SOX5: variants seen among roughly 807,000 people sequenced by gnomAD.
SOX5 encodes the protein SRY-box transcription factor 5, also known as transcription factor SOX-5.
In SOX5, 9 loss-of-function variants were observed where a neutral mutation model predicts 92.0. That is an observed-to-expected ratio of 0.10 (90% CI 0.06 to 0.17). The LOEUF is 0.17. SOX5 is among the 10% of genes least tolerant of loss of function. The probability of loss-of-function intolerance (pLI) is 1.00; values close to 1 mark genes in which losing one functional copy is unlikely to be tolerated. For synonymous variants in SOX5, 344 were observed against 336.3 expected, an observed-to-expected ratio of 1.02 and a Z score of -0.25; for missense variants, 642 against 944.5, an observed-to-expected ratio of 0.68 and a Z score of 4.20.
At chr12:24,445,196 A>C (rs1214666545) in intron 1 of SOX5, among the ~76,000 whole-genome samples, 1 of 152,206 alleles carries the variant, frequency 6.6e-6, no homozygotes, top group African/African-American at 2.4e-5. Flanking sequence ...TTTTATAGTG[A>C]CTATAAAGTG....
chr12:24,289,614 C>T (rs932163277), intron 2 of SOX5, among the ~76,000 whole-genome samples: 2 of 143,710 alleles, frequency 1.4e-5, no homozygotes, highest in African/African-American at 5.7e-5. Context: ...CCACTACGCC[C>T]GGCTAATTTT....
At chr12:23,606,383 C>A (rs2075262801) in intron 8 of SOX5, among the ~76,000 whole-genome samples, 1 of 151,382 alleles carries the variant, frequency 6.6e-6, no homozygotes, top group Non-Finnish European at 1.5e-5. Context: ...GGTATTATTA[C>A]TAGAGGATAA....
intron 7 of SOX5, among the ~76,000 whole-genome samples, chr12:23,650,015 T>G (rs1010123249): frequency 1.3e-5 from 2 of 152,114 alleles, no homozygotes; most frequent in African/African-American, 4.8e-5. Context: ...CATGTTTTTT[T>G]GTTTGTTTTT....
intron 2 of SOX5, among the ~76,000 whole-genome samples, chr12:23,869,835 A>G (rs1240730393): frequency 1.3e-5 from 2 of 152,068 alleles, no homozygotes; most frequent in Non-Finnish European, 2.9e-5. Context: ...CCCATGACAT[A>G]TCTTATATCC....
intron 2 of SOX5, among the ~76,000 whole-genome samples, chr12:23,876,987 C>A (rs1367488552): frequency 4.6e-5 from 7 of 151,808 alleles, no homozygotes; most frequent in African/African-American, 1.7e-4. Context: ...CACACTGGGG[C>A]CTTTTGGGGG....
intron 1 of SOX5, among the ~76,000 whole-genome samples, chr12:24,490,359 C>G (rs891532885): frequency 6.6e-6 from 1 of 152,166 alleles, no homozygotes; most frequent in African/African-American, 2.4e-5. Flanking sequence ...GGGCATTGAA[C>G]AGTCAGGGGT....
At chr12:24,421,079 C>A (rs1489851082) in intron 1 of SOX5, among the ~76,000 whole-genome samples, 1 of 152,130 alleles carries the variant, frequency 6.6e-6, no homozygotes, top group African/African-American at 2.4e-5. Flanking sequence ...GGACAAAATT[C>A]ACTATATGCA....
At chr12:23,722,891 C>G (rs2092898826) in intron 6 of SOX5, among the ~76,000 whole-genome samples, 1 of 152,088 alleles carries the variant, frequency 6.6e-6, no homozygotes, top group African/African-American at 2.4e-5. Flanking sequence ...GCGGAGACAC[C>G]AGCATTTTTC....
chr12:24,442,222 T>C (rs748116428), intron 1 of SOX5, among the ~76,000 whole-genome samples: 2 of 152,238 alleles, frequency 1.3e-5, no homozygotes, highest in Non-Finnish European at 2.9e-5. Context: ...ATTTAGAGTA[T>C]ACAGCCTATA....
intron 4 of SOX5, among the ~76,000 whole-genome samples, chr12:24,016,364 A>C (rs1430879199): frequency 2.6e-5 from 4 of 152,230 alleles, no homozygotes; most frequent in Non-Finnish European, 5.9e-5. Flanking sequence ...ACATTTGCTT[A>C]TGGACGAGTA....
intron 4 of SOX5, among the ~76,000 whole-genome samples, chr12:23,994,823 A>G (rs1294413308): frequency 6.6e-6 from 1 of 152,214 alleles, no homozygotes; most frequent in African/African-American, 2.4e-5. Flanking sequence ...AAAAGTTGGA[A>G]TGAGCTTTTT....
At chr12:24,241,804 GT>G (rs1965613800) in intron 3 of SOX5, among the ~76,000 whole-genome samples, 1 of 152,090 alleles carries the variant, frequency 6.6e-6, no homozygotes, top group African/African-American at 2.4e-5. Flanking sequence ...TTCCATTTAT[GT>G]TTCTAAAATA....
intron 3 of SOX5, among the ~76,000 whole-genome samples, chr12:23,816,050 T>G (rs540107869): frequency 1.3e-5 from 2 of 152,298 alleles, no homozygotes; most frequent in Admixed American, 1.3e-4. Flanking sequence ...ATTATTCTTG[T>G]TTTAATTTTT....
chr12:24,312,351 C>T (rs946735108), intron 2 of SOX5, among the ~76,000 whole-genome samples: 1 of 152,128 alleles, frequency 6.6e-6, no homozygotes, highest in South Asian at 2.1e-4. Flanking sequence ...CTAAATAATC[C>T]GATTCTTTGC....
chr12:23,722,908 G>A (rs1306050851), intron 6 of SOX5, among the ~76,000 whole-genome samples: 4 of 152,124 alleles, frequency 2.6e-5, no homozygotes, highest in African/African-American at 9.7e-5. Context: ...TTTCTTCTCA[G>A]CTTGAAGCAA....
At chr12:23,695,144 A>T (rs1002275570) in intron 6 of SOX5, among the ~76,000 whole-genome samples, 10 of 151,934 alleles carry the variant, frequency 6.6e-5, no homozygotes, top group Non-Finnish European at 1.0e-4. Context: ...TCAATTGAAC[A>T]TACATTTGTG....
At chr12:24,063,316 T>C (rs764988920) in intron 4 of SOX5, among the ~76,000 whole-genome samples, 2 of 152,204 alleles carry the variant, frequency 1.3e-5, no homozygotes, top group Non-Finnish European at 2.9e-5. Flanking sequence ...TAATGAGTGC[T>C]CAACAAATGT....
At chr12:24,275,704 G>C (rs1380572793) in intron 3 of SOX5, among the ~76,000 whole-genome samples, 1 of 152,058 alleles carries the variant, frequency 6.6e-6, no homozygotes, top group Non-Finnish European at 1.5e-5. Context: ...TGGATCACTT[G>C]CAACTAAATA....
chr12:24,121,417 A>G (rs931746945), intron 4 of SOX5, among the ~76,000 whole-genome samples: 2 of 152,178 alleles, frequency 1.3e-5, no homozygotes, highest in Non-Finnish European at 2.9e-5. Context: ...AAGAGCCCCT[A>G]TGAGAGCAAA....
Sources: allele counts gnomAD v4.1 joint callset (sites outside exome capture counted in the v4.1 genomes callset), GRCh38; gene constraint gnomAD v4.1.1; transcripts MANE v1.5; gene names NCBI Gene and HGNC (gene_info 2026-07-23, HGNC 2026-07-21).